NUDCD3: variants seen among roughly 807,000 people sequenced by gnomAD.
NUDCD3 encodes NudC domain containing 3.
In NUDCD3, 13 loss-of-function variants were observed where a neutral mutation model predicts 39.7. That is an observed-to-expected ratio of 0.33 (90% CI 0.21 to 0.52). The LOEUF (loss-of-function observed/expected upper bound fraction) is 0.52. NUDCD3 is among the 20% of genes least tolerant of loss of function. The probability of loss-of-function intolerance (pLI) is 0.96; values close to 1 mark genes in which losing one functional copy is unlikely to be tolerated. For synonymous variants in NUDCD3, 175 were observed against 172.4 expected (o/e 1.02, Z -0.12); for missense variants, 453 against 458.1 (o/e 0.99, Z 0.10).
chr7:44,395,439 C>A (rs1798606208), intron 4 of NUDCD3, among the ~76,000 whole-genome samples: 1 of 152,216 alleles, frequency 6.6e-6, no homozygotes, highest in African/African-American at 2.4e-5. Flanking sequence ...CAAAAGTGAA[C>A]CAATGGCATG....
chr7:44,482,236 C>T (rs1800506796), intron 2 of NUDCD3, among the ~76,000 whole-genome samples: 1 of 152,144 alleles, frequency 6.6e-6, no homozygotes, highest in African/African-American at 2.4e-5. Context: ...AGTGCAACTC[C>T]ATGAGACAAG....
intron 4 of NUDCD3, among the ~76,000 whole-genome samples, chr7:44,395,943 C>G (rs571674654): frequency 5.3e-5 from 8 of 152,240 alleles, no homozygotes; most frequent in Middle Eastern, 6.8e-3. Context: ...CCCAGAAGTG[C>G]TGGGTCATAT....
intron 2 of NUDCD3, among the ~76,000 whole-genome samples, chr7:44,435,014 T>A (rs932453119): frequency 6.6e-6 from 1 of 152,240 alleles, no homozygotes; most frequent in Non-Finnish European, 1.5e-5. Context: ...GCAGCTTTTA[T>A]GACTATGGGA....
At chr7:44,440,444 C>T (rs1278726486) in intron 2 of NUDCD3, among the ~76,000 whole-genome samples, 1 of 132,704 alleles carries the variant, frequency 7.5e-6, no homozygotes, top group Non-Finnish European at 1.6e-5. Context: ...ACTCCTGGAC[C>T]TAATTCTGGA....
At chr7:44,471,153 C>T (rs532326193) in intron 2 of NUDCD3, among the ~76,000 whole-genome samples, 24 of 152,292 alleles carry the variant, frequency 1.6e-4, no homozygotes, top group African/African-American at 5.8e-4. Flanking sequence ...AGTGCTGGTT[C>T]CAAGAACCCT....
At chr7:44,485,666 C>T (rs574367990) in intron 1 of NUDCD3, 24 of 170,404 alleles carry the variant, frequency 1.4e-4, no homozygotes, top group Non-Finnish European at 3.8e-5. Context: ...ACAAATGAAA[C>T]ATGAAAATAT....
At chr7:44,413,834 C>T (rs768194166) in intron 3 of NUDCD3, among the ~76,000 whole-genome samples, 3 of 152,166 alleles carry the variant, frequency 2.0e-5, no homozygotes, top group South Asian at 4.2e-4. Context: ...AAATGGACTG[C>T]TTGTGCCCAG....
chr7:44,390,723 C>G (rs1798498052), intron 5 of NUDCD3, among the ~76,000 whole-genome samples: 1 of 152,178 alleles, frequency 6.6e-6, no homozygotes, highest in African/African-American at 2.4e-5. Flanking sequence ...TGGGCAGACC[C>G]TCACATACAC....
chr7:44,455,487 T>C (rs1020284710), intron 2 of NUDCD3, among the ~76,000 whole-genome samples: 2 of 151,888 alleles, frequency 1.3e-5, no homozygotes, highest in Non-Finnish European at 2.9e-5. Flanking sequence ...TTCCACAAGC[T>C]CCTCACACAA....
At chr7:44,445,457 T>C (rs916706132) in intron 2 of NUDCD3, among the ~76,000 whole-genome samples, 16 of 152,220 alleles carry the variant, frequency 1.1e-4, no homozygotes, top group African/African-American at 3.6e-4. Context: ...ATCCCTTTAA[T>C]GGTATCATTT....
At chr7:44,455,015 CT>C (rs1799866565) in intron 2 of NUDCD3, among the ~76,000 whole-genome samples, 1 of 151,982 alleles carries the variant, frequency 6.6e-6, no homozygotes, top group African/African-American at 2.4e-5. Flanking sequence ...TTGCTTTCTT[CT>C]TTATCTTGTC....
intron 2 of NUDCD3, among the ~76,000 whole-genome samples, chr7:44,430,796 T>G (rs1395871013): frequency 1.3e-5 from 2 of 152,234 alleles, no homozygotes; most frequent in African/African-American, 2.4e-5. Flanking sequence ...CCACATGGGT[T>G]CTGCCTCCTC....
chr7:44,454,294 G>A (rs975477925), intron 2 of NUDCD3, among the ~76,000 whole-genome samples: 3 of 152,114 alleles, frequency 2.0e-5, no homozygotes, highest in African/African-American at 7.2e-5. Context: ...AGCTGAGATC[G>A]AGCCACTGCA....
chr7:44,477,416 T>A (rs903268455), intron 2 of NUDCD3, among the ~76,000 whole-genome samples: 1 of 152,236 alleles, frequency 6.6e-6, no homozygotes, highest in Admixed American at 6.5e-5. Flanking sequence ...AGAATTCTGC[T>A]CGTGATTTTT....
At chr7:44,480,815 G>A (rs1203799362) in intron 2 of NUDCD3, among the ~76,000 whole-genome samples, 2 of 151,716 alleles carry the variant, frequency 1.3e-5, no homozygotes, top group Non-Finnish European at 2.9e-5. Context: ...GGTGGTGCAC[G>A]CCTGTAGTCC....
chr7:44,398,589 T>C (rs1314792605), intron 4 of NUDCD3, among the ~76,000 whole-genome samples: 1 of 152,168 alleles, frequency 6.6e-6, no homozygotes, highest in African/African-American at 2.4e-5. Flanking sequence ...TCAACATGAA[T>C]AAACTTACCT....
intron 3 of NUDCD3, among the ~76,000 whole-genome samples, chr7:44,421,747 T>C (rs1264622811): frequency 2.0e-5 from 3 of 152,142 alleles, no homozygotes; most frequent in Non-Finnish European, 4.4e-5. Flanking sequence ...CCACTGTCAA[T>C]ATTAGATCAA....
chr7:44,468,843 A>C (rs1349027282), intron 2 of NUDCD3, among the ~76,000 whole-genome samples: 1 of 152,190 alleles, frequency 6.6e-6, no homozygotes, highest in African/African-American at 2.4e-5. Flanking sequence ...AGGAAAAGTC[A>C]ACTGCAAGAG....
chr7:44,401,381 C>T (rs1798723144), intron 4 of NUDCD3, among the ~76,000 whole-genome samples: 1 of 152,266 alleles, frequency 6.6e-6, no homozygotes, highest in South Asian at 2.1e-4. Context: ...ACAACAAACG[C>T]CTTAGCTCCT....
Sources: gnomAD v4.1 joint callset for allele counts (sites outside exome capture counted in the v4.1 genomes callset) on GRCh38, gnomAD v4.1.1 for gene constraint, MANE v1.5 for transcripts, NCBI Gene and HGNC (gene_info 2026-07-23, HGNC 2026-07-21) for gene names.